Variants in NBAS observed in about 807,000 individuals in gnomAD.
NBAS encodes NBAS subunit of NRZ tethering complex.
In NBAS, 219 loss-of-function variants were observed where a neutral mutation model predicts 302.5. That is an observed-to-expected ratio of 0.72 (90% CI 0.65 to 0.81). NBAS has a LOEUF of 0.81. Among genes scored for constraint, NBAS ranks in the 30% least tolerant of loss-of-function variants. The pLI is 0.00. For synonymous variants in NBAS, 1,118 were observed against 1,021.6 expected (o/e 1.09, Z -1.80); for missense variants, 2,932 against 2,841.6 (o/e 1.03, Z -0.72).
chr2:15,376,364 C>T (rs1674736588), intron 30 of NBAS, among the ~76,000 whole-genome samples: 2 of 152,072 alleles, frequency 1.3e-5, no homozygotes, highest in Non-Finnish European at 2.9e-5. Flanking sequence ...TATAGAAGGA[C>T]CGGCTTTTTA....
At chr2:15,103,733 A>C in the NBAS span, among the ~76,000 whole-genome samples, 2 of 152,182 alleles carry the variant, frequency 1.3e-5, no homozygotes, top group African/African-American at 4.8e-5. Flanking sequence ...TTTAATACAG[A>C]CAGCCTGGCA....
At chr2:15,471,432 G>A (rs772983110) in intron 16 of NBAS, among the ~76,000 whole-genome samples, 12 of 151,982 alleles carry the variant, frequency 7.9e-5, no homozygotes, top group East Asian at 1.9e-4. Flanking sequence ...AATTACTAAC[G>A]TATAAAACTT....
the NBAS span, among the ~76,000 whole-genome samples, chr2:14,984,787 G>A: frequency 6.6e-6 from 1 of 152,196 alleles, no homozygotes; most frequent in Non-Finnish European, 1.5e-5. Flanking sequence ...TCATGTGAAA[G>A]GTCATATGCA....
chr2:14,960,656 A>C, the NBAS span, among the ~76,000 whole-genome samples: 2 of 152,220 alleles, frequency 1.3e-5, no homozygotes, highest in Admixed American at 1.3e-4. Flanking sequence ...TAAATAAAAC[A>C]TTTATGAGTC....
the NBAS span, among the ~76,000 whole-genome samples, chr2:14,911,838 C>A: frequency 6.6e-6 from 1 of 152,180 alleles, no homozygotes; most frequent in Non-Finnish European, 1.5e-5. Flanking sequence ...GTTTCCCCAC[C>A]TGTAAAATAG....
intron 21 of NBAS, among the ~76,000 whole-genome samples, chr2:15,458,018 G>A (rs1425414849): frequency 1.3e-5 from 2 of 152,096 alleles, no homozygotes; most frequent in African/African-American, 4.8e-5. Flanking sequence ...TGACACAAGA[G>A]GACCTAATTT....
intron 10 of NBAS, among the ~76,000 whole-genome samples, chr2:15,509,811 T>C (rs1218299703): frequency 6.6e-6 from 1 of 152,074 alleles, no homozygotes; most frequent in Non-Finnish European, 1.5e-5. Flanking sequence ...GCCCACTAGG[T>C]AACATGGTAA....
chr2:15,380,712 T>A (rs1326921230), intron 29 of NBAS, among the ~76,000 whole-genome samples: 1 of 152,176 alleles, frequency 6.6e-6, no homozygotes, highest in Non-Finnish European at 1.5e-5. Flanking sequence ...ATTAACAATG[T>A]TACATATAAT....
At chr2:14,923,109 G>T in the NBAS span, among the ~76,000 whole-genome samples, 1 of 152,158 alleles carries the variant, frequency 6.6e-6, no homozygotes, top group South Asian at 2.1e-4. Context: ...CCGAGATTGC[G>T]CAACTGCACT....
chr2:14,945,751 G>T, the NBAS span, among the ~76,000 whole-genome samples: 1 of 151,992 alleles, frequency 6.6e-6, no homozygotes, highest in Admixed American at 6.6e-5. Flanking sequence ...GGAGAAAAAA[G>T]AAAAGGAATG....
the NBAS span, among the ~76,000 whole-genome samples, chr2:14,883,871 G>A: frequency 6.6e-6 from 1 of 151,908 alleles, no homozygotes; most frequent in African/African-American, 2.4e-5. Context: ...TGATGTAGGA[G>A]GATCACCTGA....
the NBAS span, among the ~76,000 whole-genome samples, chr2:15,161,735 G>A: frequency 0.03 from 4,637 of 152,240 alleles, 106 homozygotes; most frequent in Non-Finnish European, 0.046. Context: ...CAGGCATTAG[G>A]AGATCCACCT....
At chr2:14,908,804 C>T in the NBAS span, among the ~76,000 whole-genome samples, 1 of 152,172 alleles carries the variant, frequency 6.6e-6, no homozygotes, top group Non-Finnish European at 1.5e-5. Flanking sequence ...ACCACTGTCC[C>T]TCTCAACACG....
In NBAS at chr2:15,424,322, G is replaced by A. The variant is rs371527316; in HGVS notation, c.2570C>T (p.Ala857Val). The change falls in exon 23 of 52, where the codon GCT becomes GTT. Residue 857 changes from alanine to valine, a missense_variant. By Grantham distance (64) the Ala-to-Val change is moderately conservative. Transcript: ENST00000281513. ...GCTGCCATTTCCCCTCACCTGCCGA[G>A]CATAATGCTCTATTTCCTCTGCTCT... ...QTRAEEIEHY[A>V]RQVDCALSLI... The A allele has an allele frequency of 1.9e-6, 3 of 1,613,892 alleles. No individual in the cohort carries two copies. Among genetic ancestry groups the A allele is most frequent in the East Asian group, 4.5e-5 (2 of 44,890 alleles).
At chr2:15,012,891 T>C in the NBAS span, among the ~76,000 whole-genome samples, 2 of 152,052 alleles carry the variant, frequency 1.3e-5, no homozygotes, top group Non-Finnish European at 2.9e-5. Flanking sequence ...AGAGCCTCAC[T>C]TTGTCACCCA....
the NBAS span, among the ~76,000 whole-genome samples, chr2:14,859,023 C>G: frequency 3.9e-5 from 6 of 151,924 alleles, no homozygotes; most frequent in East Asian, 1.2e-3. Context: ...AATTTAGTAG[C>G]ATTTATATAT....
chr2:15,203,505 A>T lies in NBAS; in HGVS notation c.6433-13102T>A, dbSNP rs961629690. ...ATGTTAAGTTTTATTCCAGTTAGAA[A>T]TTATGCAGGGAGACTTTAGGGTAAC... is the stretch of plus-strand genomic sequence containing the variant. On this transcript the variant is annotated intron_variant, in intron 48 of 51. Transcript: ENST00000281513. 3.9e-5 allele frequency among the ~76,000 whole-genome samples: 6 copies of T among 152,328 alleles called. No individual in the cohort carries two copies. The South Asian group carries it at 1.2e-3, about 32-fold the overall frequency.
intron 29 of NBAS, among the ~76,000 whole-genome samples, chr2:15,382,043 AC>A (rs1431206665): frequency 6.6e-6 from 1 of 152,192 alleles, no homozygotes. Context: ...AATTAAAAAA[AC>A]TTGTTTTAGA....
rs556009258 is a variant in NBAS, at chr2:15,367,864, C to G, written c.3704-1171G>C. 1.7e-4 allele frequency among the ~76,000 whole-genome samples: 26 copies of G among 152,286 alleles called. No homozygotes were observed. In the South Asian group the frequency reaches 5.4e-3, roughly 32 times the overall value. On this transcript the variant is annotated intron_variant, in intron 31 of 51. Coordinates refer to ENST00000281513, the MANE Select transcript of NBAS (RefSeq NM_015909.4). ...GGAAAGTACAAAGAAATCCTCTATACTCTTTGCTGAGGTTAACAGATGATT... is the reference window on the plus strand; with the variant it reads ...GGAAAGTACAAAGAAATCCTCTATAGTCTTTGCTGAGGTTAACAGATGATT...
Sources: gnomAD v4.1 joint callset for allele counts (sites outside exome capture counted in the v4.1 genomes callset) on GRCh38, gnomAD v4.1.1 for gene constraint, MANE v1.5 for transcripts, NCBI Gene and HGNC (gene_info 2026-07-23, HGNC 2026-07-21) for gene names.